Variants in PHIP observed in about 807,000 individuals in gnomAD.
PHIP encodes the protein PH-interacting protein.
In PHIP, 54 loss-of-function variants were observed where a neutral mutation model predicts 236.8. The observed-to-expected ratio is 0.23, with a 90% CI of 0.18 to 0.29. PHIP has a LOEUF of 0.29. Ranked by LOEUF, PHIP falls within the 10% of genes least tolerant of loss-of-function variation. PHIP has a pLI of 1.00. For missense variants in PHIP, 1,370 were observed against 2,190.8 expected, an observed-to-expected ratio of 0.63 and a Z score of 7.48; for synonymous variants, 756 against 718.9, an observed-to-expected ratio of 1.05 and a Z score of -0.83.
In PHIP at chr6:78,985,656, C is replaced by T. The variant is rs139018271; in HGVS notation, c.2461-228G>A. Among the ~76,000 whole-genome samples the T allele has an allele frequency of 6.8e-4, 104 of 152,170 alleles. 1 individual carries two copies. The South Asian group carries it at 8.1e-3, about 12-fold the overall frequency. On this transcript the variant is annotated intron_variant, in intron 21 of 39. Transcript: ENST00000275034. ...AGGGGTTCGAGACCAGCCTGGCCAA[C>T]GTGGCGACACCCTGTCTCTACTAAA...
At chr6:79,056,333 C>T (rs1457048855) in intron 6 of PHIP, among the ~76,000 whole-genome samples, 2 of 152,134 alleles carry the variant, frequency 1.3e-5, no homozygotes, top group Admixed American at 6.6e-5. Context: ...ACCAACATGG[C>T]TGATTCTAAG....
chr6:79,019,728 A>G (rs190939594), intron 9 of PHIP, among the ~76,000 whole-genome samples: 3 of 152,228 alleles, frequency 2.0e-5, no homozygotes, highest in African/African-American at 7.2e-5. Flanking sequence ...CGTCAACTAC[A>G]ATGAATGCTC....
chr6:79,069,798 T>C (rs1236986423), intron 4 of PHIP, among the ~76,000 whole-genome samples: 2 of 151,936 alleles, frequency 1.3e-5, no homozygotes, highest in Non-Finnish European at 2.9e-5. Flanking sequence ...AGAACCTTAT[T>C]AAGTGTAAAA....
chr6:78,965,954 T>C lies in PHIP; in HGVS notation c.3308A>G (p.Tyr1103Cys). 3 of 1,599,488 alleles carry C rather than the reference T, an allele frequency of 1.9e-6. No homozygotes were observed. The highest frequency in any genetic ancestry group is 2.6e-6 in the Non-Finnish European group (3 of 1,166,584). The change falls in exon 28 of 40, where the codon TAC becomes TGC. Residue 1103 changes from tyrosine to cysteine, a missense_variant. Tyr to Cys is a radical substitution (Grantham distance 194). Coordinates refer to ENST00000275034, the MANE Select transcript of PHIP (RefSeq NM_017934.7). Reference sequence around the variant, plus strand: ...ACAAATATTTCCTTACCAAACATTGTAGCATTGAAACAGACTATCAGGGTA... The same window carrying C: ...ACAAATATTTCCTTACCAAACATTGCAGCATTGAAACAGACTATCAGGGTA... The part of the protein sequence containing the change: ...LEYPDSLFQC[Y>C]NVCWDNGDTE...
chr6:78,996,169 A>C (rs1167443734), intron 19 of PHIP, among the ~76,000 whole-genome samples: 2 of 152,214 alleles, frequency 1.3e-5, no homozygotes, highest in Non-Finnish European at 2.9e-5. Flanking sequence ...CTCTGGAAGA[A>C]AAACCCAGCT....
At chr6:78,964,021 A>G (rs530229106) in intron 29 of PHIP, among the ~76,000 whole-genome samples, 1 of 152,340 alleles carries the variant, frequency 6.6e-6, no homozygotes, top group East Asian at 1.9e-4. Context: ...AGTATCACTT[A>G]TTCATTTAAA....
chr6:78,939,097 A>G lies in PHIP; in HGVS notation c.*1596T>C, dbSNP rs905590071. ...TCTTTAAATTTTTAAAAAAATGGACAGTAATTTTTAAACAATAGAAATGGT... is the reference window on the plus strand; with the variant it reads ...TCTTTAAATTTTTAAAAAAATGGACGGTAATTTTTAAACAATAGAAATGGT... On this transcript the variant is annotated 3_prime_UTR_variant, in exon 40 of 40. Transcript: ENST00000275034. The G allele has an allele frequency of 1.3e-5, 2 of 151,772 alleles. No individual in the cohort carries two copies. Among genetic ancestry groups the G allele is most frequent in the African/African-American group, 4.8e-5 (2 of 41,422 alleles). The allele number at this position is 151,772 out of a possible 1,614,324, so 9.4% of individuals were successfully genotyped here. A position where few individuals can be genotyped will look rare whatever the true frequency, so the allele number is the denominator to read the frequency against.
chr6:79,050,480 T>G (rs2127765427), intron 6 of PHIP, among the ~76,000 whole-genome samples: 1 of 152,290 alleles, frequency 6.6e-6, no homozygotes, highest in South Asian at 2.1e-4. Context: ...CCTTAACTAT[T>G]ATATGCTGCC....
At chr6:79,050,223 T>C (rs1043206478) in intron 6 of PHIP, among the ~76,000 whole-genome samples, 1 of 152,174 alleles carries the variant, frequency 6.6e-6, no homozygotes, top group African/African-American at 2.4e-5. Flanking sequence ...AGAACACTCT[T>C]ACGACGTGTA....
chr6:78,973,232 TAAAGA>T (rs1402329737), intron 24 of PHIP, among the ~76,000 whole-genome samples: 1 of 151,788 alleles, frequency 6.6e-6, no homozygotes, highest in Non-Finnish European at 1.5e-5. Context: ...TCAACATTCT[TAAAGA>T]AAAGAATTTT....
At chr6:78,975,480 C>T (rs1477421035) in intron 24 of PHIP, among the ~76,000 whole-genome samples, 2 of 152,190 alleles carry the variant, frequency 1.3e-5, no homozygotes, top group East Asian at 3.8e-4. Context: ...GGGATGCTCT[C>T]TCTCACCACT....
intron 7 of PHIP, among the ~76,000 whole-genome samples, chr6:79,031,340 ATCTC>A (rs1771663452): frequency 1.3e-5 from 2 of 152,302 alleles, no homozygotes; most frequent in African/African-American, 4.8e-5. Flanking sequence ...AGCTGGAAAA[ATCTC>A]AAGCAAATCT....
At chr6:79,001,159 A>G (rs1769968679) in intron 17 of PHIP, among the ~76,000 whole-genome samples, 1 of 152,086 alleles carries the variant, frequency 6.6e-6, no homozygotes, top group African/African-American at 2.4e-5. Flanking sequence ...AGAAGTATTC[A>G]TAATGACAAA....
chr6:79,055,122 A>G (rs1773004762), intron 6 of PHIP, among the ~76,000 whole-genome samples: 1 of 152,114 alleles, frequency 6.6e-6, no homozygotes, highest in African/African-American at 2.4e-5. Context: ...ACAGACAAGT[A>G]AAATAAAAAT....
At chr6:78,948,755 A>G (rs1299367817) in intron 35 of PHIP, among the ~76,000 whole-genome samples, 2 of 152,166 alleles carry the variant, frequency 1.3e-5, no homozygotes, top group Non-Finnish European at 2.9e-5. Context: ...TGACCTCCCA[A>G]AGTGCTGGGA....
rs1768289600 is a variant in PHIP, at chr6:78,978,714, G to A, written c.2770-3C>T. ...GTTAGTTCTCCCACAGCCAATCTCT[G>A]ACAAAATTTAAGTAATAATTGTTAA... On this transcript the variant is annotated splice_region_variant and splice_polypyrimidine_tract_variant and intron_variant, in intron 23 of 39. Transcript: ENST00000275034. 1.9e-6 allele frequency: 3 copies of A among 1,589,080 alleles called. No homozygotes were observed. The African/African-American group carries it at 4.0e-5, about 21-fold the overall frequency.
At chr6:78,958,394 A>C (rs746160780) in intron 32 of PHIP, 81 bp downstream of exon 32, 11 of 907,698 alleles carry the variant, frequency 1.2e-5, no homozygotes, top group South Asian at 1.6e-5. Flanking sequence ...CTTTACAAAC[A>C]GTATGTTTTC....
Position 79,026,155 on chromosome 6 carries a change from C to A in PHIP, c.610G>T (p.Asp204Tyr). The change falls in exon 8 of 40, where the codon GAC (aspartate) becomes TAC (tyrosine). Residue 204 changes from aspartate (D) to tyrosine (Y), a missense_variant. Physicochemically the swap from Asp to Tyr is radical, Grantham distance 160. Transcript: ENST00000275034. ...TGRRIFTGSD[D>Y]CLVKIWATDD... ...GTTGCCCATATTTTCACAAGACAGT[C>A]ATCAGAACCCTTAAAGTAAGAATGG... The A allele has an allele frequency of 6.2e-7, 1 of 1,610,968 alleles. No individual in the cohort carries two copies. The highest frequency in any genetic ancestry group is 1.1e-5 in the South Asian group (1 of 91,006).
At chr6:79,075,062 C>T (rs1774080985) in intron 4 of PHIP, among the ~76,000 whole-genome samples, 1 of 151,972 alleles carries the variant, frequency 6.6e-6, no homozygotes, top group African/African-American at 2.4e-5. Context: ...AAATTCAACT[C>T]GATATACAAC....
Sources: gnomAD v4.1 joint callset for allele counts (sites outside exome capture counted in the v4.1 genomes callset) on GRCh38, gnomAD v4.1.1 for gene constraint, MANE v1.5 for transcripts, NCBI Gene and HGNC (gene_info 2026-07-23, HGNC 2026-07-21) for gene names.